Variants in TTC39B observed in about 807,000 individuals in gnomAD.
TTC39B encodes the protein tetratricopeptide repeat domain 39B.
Under a neutral mutation model 96.6 loss-of-function variants are expected in TTC39B, and 92 were observed. The observed-to-expected ratio is 0.95, with a 90% CI of 0.80 to 1.13. TTC39B has a LOEUF of 1.13. TTC39B is among the 50% of genes most tolerant of loss of function. The pLI is 0.00. For missense variants in TTC39B, 955 were observed against 809.3 expected, an observed-to-expected ratio of 1.18 and a Z score of -2.18; for synonymous variants, 367 against 299.4, an observed-to-expected ratio of 1.23 and a Z score of -2.33.
At chr9:15,250,239 AT>A (rs1057115701) in intron 2 of TTC39B, 128 of 1,087,960 alleles carry the variant, frequency 1.2e-4, no homozygotes, top group Non-Finnish European at 1.3e-4. Flanking sequence ...ATGCCGGGAG[AT>A]TTTTTTTCCC....
chr9:15,183,666 T>A (rs1818366248), intron 16 of TTC39B, among the ~76,000 whole-genome samples: 1 of 152,060 alleles, frequency 6.6e-6, no homozygotes, highest in East Asian at 1.9e-4. Flanking sequence ...TTCTGTAGAG[T>A]TCTGTGAGAC....
intron 1 of TTC39B, among the ~76,000 whole-genome samples, chr9:15,304,601 A>G (rs755224936): frequency 2.0e-5 from 3 of 152,102 alleles, no homozygotes; most frequent in Non-Finnish European, 1.5e-5. Context: ...AAAGAAAAAG[A>G]TTTCCATATT....
At chr9:15,237,519 C>G (rs905606497) in intron 2 of TTC39B, among the ~76,000 whole-genome samples, 4 of 151,934 alleles carry the variant, frequency 2.6e-5, no homozygotes, top group Admixed American at 1.3e-4. Context: ...TGCACACAAA[C>G]TAGAAAACCT....
At chr9:15,299,714 A>G (rs1422454767) in intron 1 of TTC39B, among the ~76,000 whole-genome samples, 4 of 152,156 alleles carry the variant, frequency 2.6e-5, no homozygotes, top group Admixed American at 2.6e-4. Flanking sequence ...AAGACTGGAG[A>G]TTGGTCGGCT....
chr9:15,216,331 T>G (rs374581744), intron 3 of TTC39B, among the ~76,000 whole-genome samples: 1 of 152,204 alleles, frequency 6.6e-6, no homozygotes, highest in Admixed American at 6.5e-5. Context: ...AATGGGTGGA[T>G]GGACGGGTAC....
At chr9:15,229,631 T>A (rs1821314831) in intron 2 of TTC39B, among the ~76,000 whole-genome samples, 1 of 152,190 alleles carries the variant, frequency 6.6e-6, no homozygotes, top group South Asian at 2.1e-4. Context: ...ATGCGTTGAT[T>A]CCATAATTAT....
rs1564299694 is a variant in TTC39B, at chr9:15,166,999, TATATATATATATATATATATATATA to T, written c.*4995_*5019del. The T allele has an allele frequency of 5.7e-3, 37 of 6,454 alleles. 5 individuals carry two copies. The highest frequency in any genetic ancestry group is 0.023 in the South Asian group (4 of 174). 0.4% of individuals were successfully genotyped at this position (6,454 alleles called of 1,614,324 possible). On this transcript the variant is annotated 3_prime_UTR_variant, in exon 20 of 20. Coordinates refer to ENST00000512701, the Ensembl canonical transcript of TTC39B. Reference sequence around the variant, plus strand: ...CCTTTATTTTATATATATATATATATATATATATATATATATATATATATATATATTTTTTTTTTTTTTTTTTTTT... The same window carrying T: ...CCTTTATTTTATATATATATATATATTATATTTTTTTTTTTTTTTTTTTTT...
chr9:15,229,312 C>G (rs927648473), intron 2 of TTC39B, among the ~76,000 whole-genome samples: 1 of 152,190 alleles, frequency 6.6e-6, no homozygotes, highest in Non-Finnish European at 1.5e-5. Flanking sequence ...ACTGCATGTC[C>G]TCTCAAGGTC....
At chr9:15,199,923 A>T in exon 8 of TTC39B, 4 of 1,536,242 alleles carry the variant, frequency 2.6e-6, no homozygotes, top group Non-Finnish European at 3.6e-6. Context: ...TCATATTTTC[A>T]TCCTGAAAAT....
intron 1 of TTC39B, among the ~76,000 whole-genome samples, chr9:15,279,607 T>G (rs1338958627): frequency 1.3e-5 from 2 of 152,186 alleles, no homozygotes; most frequent in African/African-American, 4.8e-5. Flanking sequence ...CTTAGAACAA[T>G]GCATCCAGTA....
intron 1 of TTC39B, among the ~76,000 whole-genome samples, chr9:15,279,972 T>C (rs1587000012): frequency 6.7e-6 from 1 of 148,416 alleles, no homozygotes; most frequent in East Asian, 2.0e-4. Context: ...CTTGGCTCAG[T>C]GCAACCTCCA....
chr9:15,238,862 T>C (rs774135859), intron 2 of TTC39B, among the ~76,000 whole-genome samples: 34 of 152,278 alleles, frequency 2.2e-4, no homozygotes, highest in Middle Eastern at 6.8e-3. Flanking sequence ...ATCACATGCC[T>C]GTAGTCCTAG....
chr9:15,169,338 T>G (rs529155257), exon 20 of TTC39B: 12 of 152,374 alleles, frequency 7.9e-5, no homozygotes, highest in Middle Eastern at 3.4e-3. Flanking sequence ...AGTTCACCTT[T>G]CATTCCTTGT....
intron 1 of TTC39B, among the ~76,000 whole-genome samples, chr9:15,296,116 A>T (rs1215471723): frequency 6.6e-6 from 1 of 152,242 alleles, no homozygotes; most frequent in Non-Finnish European, 1.5e-5. Context: ...AAGTGGTCTG[A>T]GAAAACAGGG....
intron 2 of TTC39B, among the ~76,000 whole-genome samples, chr9:15,261,546 C>G: frequency 6.6e-6 from 1 of 152,124 alleles, no homozygotes. Flanking sequence ...CTAGACAAGA[C>G]CAGGAATCCT....
exon 20 of TTC39B, chr9:15,166,124 T>G (rs1817513246): frequency 6.6e-6 from 1 of 152,226 alleles, no homozygotes; most frequent in Non-Finnish European, 1.5e-5. Context: ...AAATTAGTGT[T>G]TCTAAAAACT....
intron 2 of TTC39B, among the ~76,000 whole-genome samples, chr9:15,229,784 G>T (rs1023448689): frequency 6.6e-6 from 1 of 151,948 alleles, no homozygotes; most frequent in Non-Finnish European, 1.5e-5. Context: ...TATTATCATG[G>T]CTTTCCGAGA....
intron 3 of TTC39B, among the ~76,000 whole-genome samples, chr9:15,218,527 C>T (rs1586898033): frequency 6.6e-6 from 1 of 151,996 alleles, no homozygotes; most frequent in South Asian, 2.1e-4. Context: ...TAGAGACATG[C>T]CCGAGTGCCC....
intron 1 of TTC39B, among the ~76,000 whole-genome samples, chr9:15,289,062 C>T (rs1341543972): frequency 6.6e-6 from 1 of 152,204 alleles, no homozygotes; most frequent in African/African-American, 2.4e-5. Flanking sequence ...TCCTTATCTA[C>T]CCCAGGTAGC....
Sources: allele counts gnomAD v4.1 joint callset (sites outside exome capture counted in the v4.1 genomes callset), GRCh38; gene constraint gnomAD v4.1.1; transcripts MANE v1.5; gene names NCBI Gene and HGNC (gene_info 2026-07-23, HGNC 2026-07-21).